The following COL17A1 variants were observed in gnomAD, a reference collection of about 807,000 sequenced individuals.
The protein encoded by COL17A1 is collagen type XVII alpha 1 chain.
In COL17A1, 181 loss-of-function variants were observed where a neutral mutation model predicts 218.4. That is an observed-to-expected ratio of 0.83 (90% confidence interval 0.73 to 0.94). COL17A1 has a LOEUF of 0.94. Ranked by LOEUF, COL17A1 falls within the 40% of genes least tolerant of loss-of-function variation. The probability of loss-of-function intolerance (pLI) is 0.00; values close to 1 mark genes in which losing one functional copy is unlikely to be tolerated. For missense variants in COL17A1, 1,924 were observed against 1,945.9 expected, an observed-to-expected ratio of 0.99 and a Z score of 0.21; for synonymous variants, 721 against 731.0, an observed-to-expected ratio of 0.99 and a Z score of 0.22.
At chr10:104,043,009 T>C (rs1463881372) in intron 35 of COL17A1, among the ~76,000 whole-genome samples, 1 of 152,204 alleles carries the variant, frequency 6.6e-6, no homozygotes, top group African/African-American at 2.4e-5. Flanking sequence ...TTTTATCTCC[T>C]AACAACTTTG....
intron 46 of COL17A1, 97 bp downstream of exon 46, chr10:104,037,539 G>C (rs1399717134): frequency 1.4e-6 from 2 of 1,455,570 alleles, no homozygotes; most frequent in Non-Finnish European, 1.9e-6. Context: ...TTCCAGAGAA[G>C]GGCAAAGCAA....
chr10:104,054,064 G>A (rs2086495849), intron 21 of COL17A1, 28 bp downstream of exon 21: 1 of 1,613,484 alleles, frequency 6.2e-7, no homozygotes, highest in African/African-American at 1.3e-5. Context: ...AACACTGGCA[G>A]GCCTGGAGGT....
chr10:104,060,114 C>T lies in COL17A1; in HGVS notation c.1141+5G>A, dbSNP rs201940939. 1.5e-5 allele frequency: 24 copies of T among 1,613,980 alleles called. No homozygotes were observed. Among genetic ancestry groups the T allele is most frequent in the East Asian group, 4.5e-5 (2 of 44,874 alleles). The stretch of plus-strand genomic sequence containing the variant: ...GAAACCCAAGCCACACAGGATCTGA[C>T]GCACTTGCAGCGATGCTGGCAGGGG... On this transcript the variant is annotated splice_donor_5th_base_variant and intron_variant, in intron 14 of 55. Transcript: ENST00000648076.
At position 104,037,638 on chromosome 10, in the gene COL17A1, C is replaced by T. The variant is rs147631156; in HGVS notation, c.3206G>A (p.Arg1069Gln). The change falls in exon 46 of 56, where the codon CGG becomes CAG. Residue 1069 changes from arginine to glutamine, a missense_variant and splice_region_variant. Arg to Gln is a conservative substitution (Grantham distance 43). Coordinates refer to ENST00000648076, the MANE Select transcript of COL17A1 (RefSeq NM_000494.4). ...ELASHVVSYL[R>Q]TSGYGVSLFS... ...GCAGGGCGTGGGGAAGGGCTTACTC[C>T]GTAAGTAGCTCACAACGTGGCTTGC... is the stretch of plus-strand genomic sequence containing the variant. The T allele has an allele frequency of 1.1e-3, 1,818 of 1,614,112 alleles. 3 individuals are homozygous for T. The highest frequency in any genetic ancestry group is 1.4e-3 in the Non-Finnish European group (1,673 of 1,180,010).
rs1317868160 is a variant in COL17A1 at position 104,062,434 on chromosome 10, G to A, written c.839-105C>T. ...AACCACTTTCATGATCAATGGTTTT[G>A]CCAACAGATTCCCAAACTTCCTCGG... On this transcript the variant is annotated intron_variant, in intron 11 of 55. Coordinates refer to ENST00000648076, the MANE Select transcript of COL17A1 (RefSeq NM_000494.4). 8 of 1,493,268 alleles carry A rather than the reference G, an allele frequency of 5.4e-6. No homozygotes were observed. In the East Asian group the frequency reaches 1.8e-4, roughly 34 times the overall value. 92.5% of individuals were successfully genotyped at this position (1,493,268 alleles called of 1,614,324 possible). A position where few individuals can be genotyped will look rare whatever the true frequency, so the allele number is the denominator to read the frequency against.
rs1269909870 is a variant in COL17A1, at chr10:104,034,845, T to G, written c.3620-78A>C. On this transcript the variant is annotated intron_variant, in intron 50 of 55. Transcript: ENST00000648076. ...AATTCCCAGCCTGTGCTCGGGGCGC[T>G]GTGGGCCCCACCTGAAAGGAGGGGA... The G allele has an allele frequency of 3.2e-6, 5 of 1,556,208 alleles. No individual in the cohort carries two copies. The African/African-American group carries it at 6.8e-5, about 21-fold the overall frequency.
In COL17A1 at chr10:104,039,772, A is replaced by G. The variant is rs918535395; in HGVS notation, c.2789-132T>C. The G allele has an allele frequency of 5.3e-6, 5 of 941,118 alleles. No individual in the cohort carries two copies. In the African/African-American group the frequency reaches 1.3e-4, roughly 24 times the overall value. 58.3% of individuals were successfully genotyped at this position (941,118 alleles called of 1,614,324 possible). A position where few individuals can be genotyped will look rare whatever the true frequency, so the allele number is the denominator to read the frequency against. ...TGGGCAGTACCTAGAGATGCCACAC[A>G]CACACACACACACACACACACACGC... On this transcript the variant is annotated intron_variant, in intron 41 of 55. Coordinates refer to ENST00000648076, the MANE Select transcript of COL17A1 (RefSeq NM_000494.4).
rs753948135 is a variant in COL17A1 at position 104,078,592 on chromosome 10, A to T, written c.53-6T>A. On this transcript the variant is annotated splice_polypyrimidine_tract_variant and splice_region_variant and intron_variant, in intron 2 of 55. Transcript: ENST00000648076. ...GGTTACTGTTTCAGTGACAACTAGA[A>T]AAAGACAAAGAAAAGATGAGTTCTT... is the stretch of plus-strand genomic sequence containing the variant. 15 of 1,614,040 alleles carry T rather than the reference A, an allele frequency of 9.3e-6. No homozygotes were observed. The highest frequency in any genetic ancestry group is 1.3e-5 in the Non-Finnish European group (15 of 1,180,026).
In COL17A1 at chr10:104,050,135, C is replaced by T. The variant is rs774369855; in HGVS notation, c.2129-11G>A. ...TCTCACCCTGGTCACCTAAAGCAAA[C>T]AAGGGGGAGGTGGAAAAAGCCACAG... On this transcript the variant is annotated splice_polypyrimidine_tract_variant and intron_variant, in intron 27 of 55. Transcript: ENST00000648076. The T allele has an allele frequency of 1.2e-6, 2 of 1,613,972 alleles. No individual in the cohort carries two copies. Among genetic ancestry groups the T allele is most frequent in the Non-Finnish European group, 1.7e-6 (2 of 1,180,008 alleles).
At chr10:104,063,928 T>C in intron 10 of COL17A1, 110 bp from the exon 11 acceptor site, 1 of 1,502,352 alleles carries the variant, frequency 6.7e-7, no homozygotes, top group Non-Finnish European at 9.1e-7. Flanking sequence ...GGTTTTTATA[T>C]TTTGGTAAAT....
At chr10:104,042,805 A>C (rs967244311) in intron 35 of COL17A1, among the ~76,000 whole-genome samples, 1 of 152,254 alleles carries the variant, frequency 6.6e-6, no homozygotes, top group African/African-American at 2.4e-5. Context: ...TTTGTACATA[A>C]AAATTTAAAA....
chr10:104,043,792 A>T (rs749471089), intron 34 of COL17A1, 33 bp downstream of exon 34: 1 of 1,613,126 alleles, frequency 6.2e-7, no homozygotes, highest in Non-Finnish European at 8.5e-7. Context: ...TAAGAAAGAC[A>T]CAGAAAGGAG....
chr10:104,054,985 A>C lies in COL17A1; in HGVS notation c.1740T>G (p.Pro580=), dbSNP rs753957603. ...GPKGDMGSPG[P]KGDRGFPGTP... ...AAATGCCCATGTTATAATTACCTTT[A>C]GGGCCTGGACTTCCCATGTCACCTG... Residue 580 remains proline (P), a synonymous_variant, in exon 20 of 56, where the codon CCT becomes CCG. Transcript: ENST00000648076. 1 of 1,614,162 alleles carries C rather than the reference A, an allele frequency of 6.2e-7. No individual in the cohort carries two copies. The highest frequency in any genetic ancestry group is 1.7e-5 in the Admixed American group (1 of 60,026).
In COL17A1 at chr10:104,035,661, G is replaced by A. The variant is rs1460031703; in HGVS notation, c.3419-98C>T. ...CAGAAGAGGTTTGGACAGAAGTGGG[G>A]TCCAAGAAAGAAAAGAGATGGTGGC... On this transcript the variant is annotated intron_variant, in intron 48 of 55. Coordinates refer to ENST00000648076, the MANE Select transcript of COL17A1 (RefSeq NM_000494.4). The A allele has an allele frequency of 6.4e-6, 6 of 937,758 alleles. No individual in the cohort carries two copies. The African/African-American group carries it at 9.9e-5, about 16-fold the overall frequency. 58.1% of individuals were successfully genotyped at this position (937,758 alleles called of 1,614,324 possible).
intron 33 of COL17A1, among the ~76,000 whole-genome samples, chr10:104,044,643 G>A (rs2086391777): frequency 6.6e-6 from 1 of 152,196 alleles, no homozygotes; most frequent in Non-Finnish European, 1.5e-5. Flanking sequence ...CAGGGCTCAT[G>A]AACAAGACGG....
chr10:104,063,851 G>A, intron 10 of COL17A1, 33 bp from the exon 11 acceptor site: 4 of 1,613,620 alleles, frequency 2.5e-6, no homozygotes, highest in Non-Finnish European at 2.5e-6. Context: ...TGGTGAGAGG[G>A]ACATCTGGCC....
chr10:104,055,338 T>C lies in COL17A1; in HGVS notation c.1717+34A>G, dbSNP rs773092463. ...AAAACTCACTTCCAACTGCAGGAAA[T>C]GAATCAGAGACAAGGTTCAATCCAT... On this transcript the variant is annotated intron_variant, in intron 19 of 55. Coordinates refer to ENST00000648076, the MANE Select transcript of COL17A1 (RefSeq NM_000494.4). 3.1e-6 allele frequency: 5 copies of C among 1,613,788 alleles called. No individual in the cohort carries two copies. In the South Asian group the frequency reaches 5.5e-5, roughly 18 times the overall value.
intron 19 of COL17A1, 47 bp downstream of exon 19, chr10:104,055,325 C>A: frequency 6.2e-7 from 1 of 1,613,980 alleles, no homozygotes; most frequent in African/African-American, 1.3e-5. Flanking sequence ...AACTCACTTC[C>A]AACTGCAGGA....
chr10:104,064,049 A>G (rs1403677198), intron 10 of COL17A1, among the ~76,000 whole-genome samples: 1 of 152,234 alleles, frequency 6.6e-6, no homozygotes, highest in African/African-American at 2.4e-5. Flanking sequence ...TCAAACCTGG[A>G]GTGGACAGTG....
Sources: allele counts gnomAD v4.1 joint callset (sites outside exome capture counted in the v4.1 genomes callset), GRCh38; gene constraint gnomAD v4.1.1; transcripts MANE v1.5; gene names NCBI Gene and HGNC (gene_info 2026-07-23, HGNC 2026-07-21).